VPS8: variants seen among roughly 807,000 people sequenced by gnomAD.
The protein encoded by VPS8 is vacuolar protein sorting-associated protein 8 homolog.
VPS8 carries 129 observed loss-of-function variants against 216.4 expected under a neutral mutation model. The observed-to-expected ratio is 0.60, with a 90% CI of 0.52 to 0.69. The LOEUF (loss-of-function observed/expected upper bound fraction) is 0.69. Among genes scored for constraint, VPS8 ranks in the 30% least tolerant of loss-of-function variants. The pLI is 0.00. For synonymous variants in VPS8, 571 were observed against 565.4 expected (o/e 1.01, Z -0.14); for missense variants, 1,531 against 1,683.5 (o/e 0.91, Z 1.59).
At chr3:184,901,263 G>A in intron 25 of VPS8, 1 of 313,592 alleles carries the variant, frequency 3.2e-6, no homozygotes. Flanking sequence ...GTAACCTTTG[G>A]TGTTTTATTT....
intron 22 of VPS8, among the ~76,000 whole-genome samples, chr3:184,894,260 CT>C (rs1732913919): frequency 6.6e-6 from 1 of 151,896 alleles, no homozygotes; most frequent in Non-Finnish European, 1.5e-5. Flanking sequence ...ATGAGTAGTC[CT>C]TTTGTTTTTT....
At chr3:184,853,282 G>A (rs1724656090) in intron 11 of VPS8, among the ~76,000 whole-genome samples, 1 of 152,134 alleles carries the variant, frequency 6.6e-6, no homozygotes, top group Non-Finnish European at 1.5e-5. Flanking sequence ...CAGCAAACCA[G>A]CACGTAAATG....
intron 21 of VPS8, among the ~76,000 whole-genome samples, chr3:184,885,648 G>A (rs1464869476): frequency 6.6e-6 from 1 of 152,068 alleles, no homozygotes; most frequent in Non-Finnish European, 1.5e-5. Flanking sequence ...TTTCTTTACA[G>A]ATCTGTGAGA....
chr3:184,920,195 G>C lies in VPS8; in HGVS notation c.2451G>C (p.Leu817Phe), dbSNP rs536439092. 6.6e-7 allele frequency: 1 copy of C among 1,519,694 alleles called. No individual in the cohort carries two copies. The highest frequency in any genetic ancestry group is 2.5e-5 in the East Asian group (1 of 39,976). 94.1% of individuals were successfully genotyped at this position (1,519,694 alleles called of 1,614,324 possible). Residue 817 changes from leucine (L) to phenylalanine (F), a missense_variant, in exon 29 of 48, where the codon TTG (leucine) becomes TTC (phenylalanine). By Grantham distance (22) the Leu-to-Phe change is conservative. Around this residue, in one of 3 missense-constraint regions of VPS8, gnomAD observed 1,318 missense variants for 1,468.4 expected, o/e 0.90. Coordinates refer to ENST00000625842, the MANE Select transcript of VPS8 (RefSeq NM_001009921.3). ...AACAGCGAATTGTGGATATTTTGTT[G>C]AAAGTAAGTATTCAAAGAATACATG... ...EYQQRIVDIL[L>F]KVMVENSDFT...
At chr3:185,041,946 G>C (rs1711739750) in intron 46 of VPS8, among the ~76,000 whole-genome samples, 1 of 152,192 alleles carries the variant, frequency 6.6e-6, no homozygotes, top group Non-Finnish European at 1.5e-5. Context: ...TAAAGCAGAA[G>C]GGAAGGAGGA....
At chr3:185,047,383 A>G (rs1264266157) in intron 46 of VPS8, among the ~76,000 whole-genome samples, 2 of 152,144 alleles carry the variant, frequency 1.3e-5, no homozygotes, top group African/African-American at 2.4e-5. Context: ...CAAACAAGCA[A>G]AAAGTACCCA....
intron 18 of VPS8, 97 bp downstream of exon 18, chr3:184,868,156 T>G: frequency 7.5e-7 from 1 of 1,330,344 alleles, no homozygotes; most frequent in South Asian, 1.3e-5. Context: ...TTGGTAAGCT[T>G]CTTAATTTCA....
At chr3:185,034,403 A>AT (rs1391205299) in intron 46 of VPS8, among the ~76,000 whole-genome samples, 1 of 151,992 alleles carries the variant, frequency 6.6e-6, no homozygotes, top group Non-Finnish European at 1.5e-5. Context: ...GATGCTGAGC[A>AT]TTTTTTCATA....
chr3:184,833,132 G>T (rs1440108522), intron 4 of VPS8, among the ~76,000 whole-genome samples: 1 of 152,084 alleles, frequency 6.6e-6, no homozygotes, highest in Non-Finnish European at 1.5e-5. Context: ...TTGGTTCACT[G>T]CCCTACTGTT....
intron 21 of VPS8, among the ~76,000 whole-genome samples, chr3:184,878,311 A>G (rs574000036): frequency 2.6e-5 from 4 of 152,190 alleles, no homozygotes; most frequent in South Asian, 2.1e-4. Context: ...GGGTTTCGCC[A>G]TGTTGGCCAG....
At chr3:184,956,802 A>G (rs941016594) in intron 36 of VPS8, among the ~76,000 whole-genome samples, 19 of 152,118 alleles carry the variant, frequency 1.2e-4, no homozygotes, top group African/African-American at 4.6e-4. Context: ...TTTTAGTATT[A>G]CTCCTTTATT....
intron 38 of VPS8, among the ~76,000 whole-genome samples, chr3:184,965,723 G>C (rs1009162114): frequency 2.6e-5 from 4 of 152,180 alleles, no homozygotes; most frequent in Admixed American, 6.5e-5. Flanking sequence ...GGTGACTGTT[G>C]GGGGATGGAA....
At chr3:184,855,851 T>TA (rs1725148747) in intron 14 of VPS8, 33 bp downstream of exon 14, 2 of 1,540,024 alleles carry the variant, frequency 1.3e-6, no homozygotes, top group Admixed American at 2.0e-5. Context: ...GAAAGCCTCT[T>TA]ACAATTTTTT....
intron 40 of VPS8, 30 bp downstream of exon 40, chr3:184,971,782 AG>A: frequency 6.3e-7 from 1 of 1,591,594 alleles, no homozygotes; most frequent in Non-Finnish European, 8.6e-7. Context: ...GGTATTTAAA[AG>A]CCTGTACTTG....
At chr3:184,914,953 C>T (rs1337505736) in intron 26 of VPS8, 28 bp from the exon 27 acceptor site, 2 of 1,605,578 alleles carry the variant, frequency 1.2e-6, no homozygotes, top group Non-Finnish European at 1.7e-6. Flanking sequence ...TACAAGTCAC[C>T]ATATCCATTC....
intron 31 of VPS8, among the ~76,000 whole-genome samples, chr3:184,927,301 A>G (rs183584253): frequency 8.5e-4 from 130 of 152,294 alleles, no homozygotes; most frequent in African/African-American, 3.0e-3. Flanking sequence ...ATTAAGTACC[A>G]TGAGAGCTGT....
intron 10 of VPS8, 67 bp from the exon 11 acceptor site, chr3:184,852,433 A>T (rs1724474152): frequency 2.1e-6 from 3 of 1,440,108 alleles, no homozygotes; most frequent in Non-Finnish European, 2.9e-6. Context: ...AAAATTGTAT[A>T]ATTTTTTCCT....
intron 22 of VPS8, among the ~76,000 whole-genome samples, chr3:184,892,728 C>G (rs909589353): frequency 6.6e-6 from 1 of 152,208 alleles, no homozygotes; most frequent in African/African-American, 2.4e-5. Flanking sequence ...TTTATCTTAG[C>G]AGCATCACAT....
At chr3:185,014,486 T>G (rs1023367946) in intron 45 of VPS8, among the ~76,000 whole-genome samples, 1 of 152,198 alleles carries the variant, frequency 6.6e-6, no homozygotes, top group African/African-American at 2.4e-5. Context: ...AGCATAACCT[T>G]TATCCCAAGT....
Sources: allele counts gnomAD v4.1 joint callset (sites outside exome capture counted in the v4.1 genomes callset), GRCh38; gene constraint gnomAD v4.1.1; regional missense constraint gnomAD v4.1.1; transcripts MANE v1.5; gene names NCBI Gene and HGNC (gene_info 2026-07-23, HGNC 2026-07-21).